TIPRL: variants seen among roughly 807,000 people sequenced by gnomAD.
The protein encoded by TIPRL is TIP41-like protein.
Under a neutral mutation model 32.3 loss-of-function variants are expected in TIPRL, and 10 were observed. The ratio of observed to expected loss-of-function variants is 0.31; its 90% CI spans 0.19 to 0.52. The LOEUF is 0.52. TIPRL is among the 20% of genes least tolerant of loss of function. TIPRL has a pLI of 0.96. For missense variants in TIPRL, 250 were observed against 328.1 expected (o/e 0.76, Z 1.84); for synonymous variants, 100 against 114.0 (o/e 0.88, Z 0.78).
At chr1:168,196,841 G>A (rs10918841) in intron 5 of TIPRL, among the ~76,000 whole-genome samples, 199 bp downstream of exon 5, 43,208 of 151,998 alleles carry the variant, frequency 0.28, 6,902 homozygotes, top group Admixed American at 0.44. Context: ...AGGTTCTGGT[G>A]ACTCAAAATG....
At chr1:168,184,257 AAG>A (rs1429594361) in intron 2 of TIPRL, among the ~76,000 whole-genome samples, 176 bp downstream of exon 2, 1 of 152,198 alleles carries the variant, frequency 6.6e-6, no homozygotes, top group Non-Finnish European at 1.5e-5. Context: ...ATAAAAATGG[AAG>A]TTAATTACCC....
At chr1:168,182,919 CAA>C (rs1699985097) in intron 1 of TIPRL, among the ~76,000 whole-genome samples, 1 of 152,078 alleles carries the variant, frequency 6.6e-6, no homozygotes, top group South Asian at 2.1e-4. Flanking sequence ...CTCCTAATAA[CAA>C]AGAATAAATT....
chr1:168,184,056 T>C lies in TIPRL; in HGVS notation c.259T>C (p.Cys87Arg). 1.2e-6 allele frequency: 2 copies of C among 1,611,788 alleles called. No individual in the cohort carries two copies. The highest frequency in any genetic ancestry group is 1.7e-6 in the Non-Finnish European group (2 of 1,178,124). The stretch of plus-strand genomic sequence containing the variant: ...CTACCAAGGAATGCTTAAAGTGGCC[T>C]GTGCTGAAGAGTGGCAAGAAAGCAG... ...NNYQGMLKVA[C>R]AEEWQESRTE... The change falls in exon 2 of 7, where the codon TGT (cysteine) becomes CGT (arginine). Residue 87 changes from cysteine (C) to arginine (R), a missense_variant. By Grantham distance (180) the Cys-to-Arg change is radical. Coordinates refer to ENST00000367833, the MANE Select transcript of TIPRL (RefSeq NM_152902.5).
chr1:168,184,847 G>C lies in TIPRL; in HGVS notation c.353G>C (p.Gly118Ala). The C allele has an allele frequency of 6.2e-7, 1 of 1,611,010 alleles. No individual in the cohort carries two copies. Among genetic ancestry groups the C allele is most frequent in the Non-Finnish European group, 8.5e-7 (1 of 1,178,102 alleles). Residue 118 changes from glycine to alanine, a missense_variant, in exon 3 of 7, where the codon GGA (glycine) becomes GCA (alanine). Gly to Ala is a moderately conservative substitution (Grantham distance 60). Transcript: ENST00000367833. ...YDWTYTTDYKGTLLGESLKLK... is the reference protein window; with the variant it reads ...YDWTYTTDYKATLLGESLKLK... ...TGGACCTATACAACAGATTATAAGG[G>C]AACCTTACTTGGAGAATCTCTTAAG... is the stretch of plus-strand genomic sequence containing the variant.
chr1:168,183,377 A>ATT (rs55731463), intron 1 of TIPRL, among the ~76,000 whole-genome samples: 29 of 129,750 alleles, frequency 2.2e-4, no homozygotes, highest in Admixed American at 8.1e-4. Context: ...AATTCCTGTG[A>ATT]TTTTTTTTTT....
rs1572427816 is a variant in TIPRL, at chr1:168,180,609, A to G, written c.104+1428A>G. On this transcript the variant is annotated intron_variant, in intron 1 of 6. Transcript: ENST00000367833. ...AGTACTTGCATTTTAAGATTTGAGCAGAGGGAGTGACCAGGGAAGAGAGGA... is the reference window on the plus strand; with the variant it reads ...AGTACTTGCATTTTAAGATTTGAGCGGAGGGAGTGACCAGGGAAGAGAGGA... Among the ~76,000 whole-genome samples the G allele has an allele frequency of 2.6e-5, 4 of 152,316 alleles. No individual in the cohort carries two copies. In the South Asian group the frequency reaches 8.3e-4, roughly 32 times the overall value.
At position 168,180,880 on chromosome 1, in the gene TIPRL, T is replaced by C. The variant is rs866317447; in HGVS notation, c.104+1699T>C. Among the ~76,000 whole-genome samples the C allele has an allele frequency of 1.5e-3, 223 of 149,996 alleles. 1 individual carries two copies. The highest frequency in any genetic ancestry group is 5.3e-3 in the African/African-American group (216 of 41,134). ...AGTTTCTGCATTTTGCTCAGGCTGG[T>C]CTCGAACTCCTGACCTCAGGTGATC... On this transcript the variant is annotated intron_variant, in intron 1 of 6. Transcript: ENST00000367833.
In TIPRL at chr1:168,184,061, T is replaced by G. The variant is rs888696414; in HGVS notation, c.264T>G (p.Ala88=). ...AAGGAATGCTTAAAGTGGCCTGTGC[T>G]GAAGAGTGGCAAGAAAGCAGGTGAG... is the stretch of plus-strand genomic sequence containing the variant. ...NYQGMLKVAC[A]EEWQESRTEG... The change falls in exon 2 of 7, where the codon GCT becomes GCG. Residue 88 remains alanine (A), a synonymous_variant. Coordinates refer to ENST00000367833, the MANE Select transcript of TIPRL (RefSeq NM_152902.5). 1 of 1,609,440 alleles carries G rather than the reference T, an allele frequency of 6.2e-7. No homozygotes were observed. Among genetic ancestry groups the G allele is most frequent in the African/African-American group, 1.3e-5 (1 of 74,870 alleles).
intron 1 of TIPRL, among the ~76,000 whole-genome samples, chr1:168,179,962 T>C (rs1699940302): frequency 6.6e-6 from 1 of 151,872 alleles, no homozygotes; most frequent in African/African-American, 2.4e-5. Context: ...ATAGGGGGTG[T>C]TGTGAGAGAT....
chr1:168,192,415 C>T (rs768317351), intron 4 of TIPRL: 29 of 1,009,222 alleles, frequency 2.9e-5, no homozygotes, highest in Non-Finnish European at 3.3e-5. Context: ...TATGGTTATT[C>T]ATATTTCTTT....
intron 4 of TIPRL, among the ~76,000 whole-genome samples, chr1:168,192,983 G>C (rs1700117282): frequency 6.6e-6 from 1 of 152,208 alleles, no homozygotes; most frequent in Admixed American, 6.5e-5. Flanking sequence ...ATCAAACATT[G>C]TTCTTGGGGC....
chr1:168,193,873 T>G (rs1311968940), intron 4 of TIPRL, among the ~76,000 whole-genome samples: 3 of 152,228 alleles, frequency 2.0e-5, no homozygotes, highest in African/African-American at 7.2e-5. Context: ...GAATAAAATA[T>G]ATTTTAATAC....
At chr1:168,188,983 G>GGA (rs1700061685) in intron 3 of TIPRL, among the ~76,000 whole-genome samples, 1 of 145,176 alleles carries the variant, frequency 6.9e-6, no homozygotes, top group Admixed American at 6.8e-5. Context: ...TCTGTCTCAA[G>GGA]AAAAAAAAAA....
rs1392435872 is a variant in TIPRL at position 168,201,187 on chromosome 1, TAAAAAGCATCAA to T, written c.*1143_*1154del. The T allele has an allele frequency of 6.6e-6, 1 of 152,138 alleles. No individual in the cohort carries two copies. The highest frequency in any genetic ancestry group is 1.5e-5 in the Non-Finnish European group (1 of 67,998). 9.4% of individuals were successfully genotyped at this position (152,138 alleles called of 1,614,324 possible). A position where few individuals can be genotyped will look rare whatever the true frequency, so the allele number is the denominator to read the frequency against. On this transcript the variant is annotated 3_prime_UTR_variant, in exon 7 of 7. Transcript: ENST00000367833. ...TGGTTGTCATAAAGTGGAAAGTGAT[TAAAAAGCATCAA>T]ATAAGAAATTATTTCAAGTGGATTT...
intron 3 of TIPRL, among the ~76,000 whole-genome samples, chr1:168,190,368 C>T (rs993166518): frequency 1.3e-5 from 2 of 152,204 alleles, no homozygotes; most frequent in Non-Finnish European, 2.9e-5. Context: ...CTTTTCATGG[C>T]ATCTTTTCCC....
At chr1:168,198,508 A>T (rs1393064899) in intron 5 of TIPRL, among the ~76,000 whole-genome samples, 2 of 152,198 alleles carry the variant, frequency 1.3e-5, no homozygotes, top group Non-Finnish European at 2.9e-5. Context: ...GTTTTGCAAC[A>T]TAAAAGTAGC....
At chr1:168,198,055 TA>T (rs1218271193) in intron 5 of TIPRL, among the ~76,000 whole-genome samples, 2 of 152,148 alleles carry the variant, frequency 1.3e-5, no homozygotes, top group Non-Finnish European at 2.9e-5. Flanking sequence ...CCATATGGTA[TA>T]AAATATATAA....
At chr1:168,190,015 T>A (rs142535604) in intron 3 of TIPRL, among the ~76,000 whole-genome samples, 81 of 152,354 alleles carry the variant, frequency 5.3e-4, no homozygotes, top group African/African-American at 1.9e-3. Flanking sequence ...ATGTTAAAAA[T>A]GTGTTCCTCT....
intron 3 of TIPRL, among the ~76,000 whole-genome samples, chr1:168,185,538 C>T (rs1047389443): frequency 6.6e-6 from 1 of 151,176 alleles, no homozygotes; most frequent in Admixed American, 6.6e-5. Context: ...TTTGAGAGGC[C>T]GAGGCAGGCA....
Sources: gnomAD v4.1 joint callset for allele counts (sites outside exome capture counted in the v4.1 genomes callset) on GRCh38, gnomAD v4.1.1 for gene constraint, MANE v1.5 for transcripts, NCBI Gene and HGNC (gene_info 2026-07-23, HGNC 2026-07-21) for gene names.